Variants in ZCCHC7 observed in about 807,000 individuals in gnomAD.
ZCCHC7 encodes the protein zinc finger CCHC-type containing 7.
ZCCHC7 carries 35 observed loss-of-function variants against 52.0 expected under a neutral mutation model. The ratio of observed to expected loss-of-function variants is 0.67; its 90% CI spans 0.51 to 0.89. The LOEUF (loss-of-function observed/expected upper bound fraction) is 0.89, where lower values mean the gene tolerates loss of function less well. Ranked by LOEUF, ZCCHC7 falls within the 40% of genes least tolerant of loss-of-function variation. The probability of loss-of-function intolerance (pLI) is 0.00; values close to 1 mark genes in which losing one functional copy is unlikely to be tolerated. For synonymous variants in ZCCHC7, 217 were observed against 221.5 expected (o/e 0.98, Z 0.18); for missense variants, 574 against 649.1 (o/e 0.88, Z 1.26).
At chr9:37,330,247 C>T (rs1210598899) in intron 6 of ZCCHC7, among the ~76,000 whole-genome samples, 1 of 151,616 alleles carries the variant, frequency 6.6e-6, no homozygotes, top group Non-Finnish European at 1.5e-5. Flanking sequence ...AAAACACTTT[C>T]AGAACTAAGA....
chr9:37,121,497 A>G (rs1389273182), intron 1 of ZCCHC7: 2 of 152,142 alleles, frequency 1.3e-5, no homozygotes, highest in Non-Finnish European at 2.9e-5. Flanking sequence ...AATTTTTTCT[A>G]GGACCGTTAG....
chr9:37,251,805 A>G (rs1025590932), intron 2 of ZCCHC7, among the ~76,000 whole-genome samples: 1 of 152,230 alleles, frequency 6.6e-6, no homozygotes, highest in Non-Finnish European at 1.5e-5. Context: ...TGCCAGGGGT[A>G]ACTAGAGAGT....
intron 6 of ZCCHC7, among the ~76,000 whole-genome samples, chr9:37,344,792 G>T (rs943354667): frequency 1.3e-5 from 2 of 151,998 alleles, no homozygotes; most frequent in South Asian, 2.1e-4. Flanking sequence ...CTTTTATCTT[G>T]CTCACTTCTC....
intron 2 of ZCCHC7, among the ~76,000 whole-genome samples, chr9:37,269,094 A>G (rs1827260601): frequency 6.6e-6 from 1 of 152,198 alleles, no homozygotes. Context: ...ACTAGAAGGG[A>G]TGAATTATTT....
chr9:37,222,994 C>T (rs1399870779), intron 2 of ZCCHC7, among the ~76,000 whole-genome samples: 5 of 151,932 alleles, frequency 3.3e-5, no homozygotes, highest in South Asian at 2.1e-4. Flanking sequence ...AATGAGCATT[C>T]GTATACATAT....
chr9:37,296,881 TTGTGTGTGTGTGTGTG>T (rs56378965), intron 2 of ZCCHC7, among the ~76,000 whole-genome samples: 19 of 124,204 alleles, frequency 1.5e-4, no homozygotes, highest in African/African-American at 3.6e-4. Flanking sequence ...CCTGGCTAGT[TTGTGTGTGTGTGTGTG>T]TGTGTGTGTG....
intron 2 of ZCCHC7, among the ~76,000 whole-genome samples, chr9:37,257,405 G>T (rs1826643423): frequency 6.6e-6 from 1 of 152,200 alleles, no homozygotes; most frequent in African/African-American, 2.4e-5. Context: ...AGCATATTCT[G>T]GTTTCCCAGA....
chr9:37,139,166 T>A (rs1480508896), intron 2 of ZCCHC7, among the ~76,000 whole-genome samples: 1 of 152,028 alleles, frequency 6.6e-6, no homozygotes, highest in Non-Finnish European at 1.5e-5. Flanking sequence ...ATGGACTTCA[T>A]GGAAGTTTTC....
chr9:37,314,223 T>C (rs1206862640), intron 5 of ZCCHC7, among the ~76,000 whole-genome samples: 1 of 152,216 alleles, frequency 6.6e-6, no homozygotes, highest in East Asian at 1.9e-4. Context: ...TATTGTCTAC[T>C]TCTAGCCTGC....
At chr9:37,147,348 T>C (rs1044603691) in intron 2 of ZCCHC7, 1 of 152,012 alleles carries the variant, frequency 6.6e-6, no homozygotes, top group Non-Finnish European at 1.5e-5. Context: ...TGCTTTGTTT[T>C]TCTGTCTAAC....
chr9:37,127,681 C>T (rs13293465), intron 2 of ZCCHC7, among the ~76,000 whole-genome samples: 49,369 of 152,020 alleles, frequency 0.32, 8,347 homozygotes, highest in Middle Eastern at 0.41. Context: ...TATATCTACC[C>T]TGTACACTGT....
At chr9:37,206,712 C>T (rs1823936843) in intron 2 of ZCCHC7, among the ~76,000 whole-genome samples, 1 of 152,090 alleles carries the variant, frequency 6.6e-6, no homozygotes, top group Non-Finnish European at 1.5e-5. Context: ...CGACTTTGAC[C>T]TGTGTACATT....
At position 37,210,214 on chromosome 9, in the gene ZCCHC7, A is replaced by G. The variant is rs569296914; in HGVS notation, c.610+83272A>G. On this transcript the variant is annotated intron_variant, in intron 2 of 8. Coordinates refer to ENST00000336755, the MANE Select transcript of ZCCHC7 (RefSeq NM_032226.3). ...ATGTGCACTTTATCCCTGAATGCTAAGAGAGGACTTGTCAAACTGACAGTT... is the reference window on the plus strand; with the variant it reads ...ATGTGCACTTTATCCCTGAATGCTAGGAGAGGACTTGTCAAACTGACAGTT... 9.2e-5 allele frequency among the ~76,000 whole-genome samples: 14 copies of G among 152,194 alleles called. No homozygotes were observed. In the East Asian group the frequency reaches 2.7e-3, roughly 29 times the overall value.
chr9:37,317,842 G>T (rs1263368103), intron 5 of ZCCHC7, among the ~76,000 whole-genome samples: 4 of 55,578 alleles, frequency 7.2e-5, no homozygotes, highest in Non-Finnish European at 1.5e-4. Context: ...CACTCCCCCC[G>T]ACCCCCCCCA....
intron 3 of ZCCHC7, 103 bp from the exon 4 acceptor site, chr9:37,304,085 G>A (rs1431469073): frequency 2.7e-6 from 3 of 1,127,760 alleles, no homozygotes; most frequent in Admixed American, 5.0e-5. Flanking sequence ...CTTGAAGCTT[G>A]ATGTATCTTT....
intron 2 of ZCCHC7, among the ~76,000 whole-genome samples, chr9:37,191,818 CA>C (rs1823036080): frequency 6.6e-6 from 1 of 152,190 alleles, no homozygotes; most frequent in Non-Finnish European, 1.5e-5. Context: ...GTCTAGTTTA[CA>C]ACAATGCAAG....
chr9:37,223,242 C>T (rs768918463), intron 2 of ZCCHC7, among the ~76,000 whole-genome samples: 16 of 152,042 alleles, frequency 1.1e-4, no homozygotes, highest in Non-Finnish European at 1.8e-4. Context: ...GGAAACAACC[C>T]GTGTCTATTA....
chr9:37,173,477 A>G (rs1177560573), intron 2 of ZCCHC7, among the ~76,000 whole-genome samples: 1 of 152,242 alleles, frequency 6.6e-6, no homozygotes, highest in East Asian at 1.9e-4. Context: ...GACTCACCGT[A>G]GAATTCCTTT....
At chr9:37,302,796 A>G (rs1467217554) in intron 3 of ZCCHC7, among the ~76,000 whole-genome samples, 1 of 152,200 alleles carries the variant, frequency 6.6e-6, no homozygotes, top group African/African-American at 2.4e-5. Flanking sequence ...TCCATATGAT[A>G]TGCATTGTTG....
Sources: allele counts gnomAD v4.1 joint callset (sites outside exome capture counted in the v4.1 genomes callset), GRCh38; gene constraint gnomAD v4.1.1; transcripts MANE v1.5; gene names NCBI Gene and HGNC (gene_info 2026-07-23, HGNC 2026-07-21).